DOCK8: variants seen among roughly 807,000 people sequenced by gnomAD.
DOCK8 encodes dedicator of cytokinesis 8.
Under a neutral mutation model 245.6 loss-of-function variants are expected in DOCK8, and 141 were observed. The ratio of observed to expected loss-of-function variants is 0.57; its 90% CI spans 0.50 to 0.66. DOCK8 has a LOEUF of 0.66. Ranked by LOEUF, DOCK8 falls within the 30% of genes least tolerant of loss-of-function variation. The probability of loss-of-function intolerance (pLI) is 0.00; values close to 1 mark genes in which losing one functional copy is unlikely to be tolerated. For synonymous variants in DOCK8, 1,168 were observed against 970.2 expected, an observed-to-expected ratio of 1.20 and a Z score of -3.79; for missense variants, 2,965 against 2,603.4, an observed-to-expected ratio of 1.14 and a Z score of -3.02.
chr9:304,542 C>G (rs758755989), intron 4 of DOCK8, 39 bp from the exon 5 acceptor site: 3 of 1,613,318 alleles, frequency 1.9e-6, no homozygotes, highest in Admixed American at 3.3e-5. Context: ...CGCTCTCTCT[C>G]CCTCTTTCTC....
intron 23 of DOCK8, among the ~76,000 whole-genome samples, chr9:388,964 G>A (rs761368210): frequency 6.6e-6 from 1 of 152,076 alleles, no homozygotes; most frequent in Non-Finnish European, 1.5e-5. Context: ...ATATTAGGGT[G>A]TTCAAATAGC....
chr9:456,426 A>G (rs1264999104), intron 46 of DOCK8: 2 of 152,256 alleles, frequency 1.3e-5, no homozygotes, highest in Non-Finnish European at 2.9e-5. Flanking sequence ...CCAGCTTCTC[A>G]GCAGACTTGG....
At chr9:457,590 G>A (rs1481324105) in intron 46 of DOCK8, among the ~76,000 whole-genome samples, 3 of 152,194 alleles carry the variant, frequency 2.0e-5, no homozygotes, top group Admixed American at 1.3e-4. Flanking sequence ...ACATTGGCCT[G>A]GGAGCAGCAG....
Position 336,643 on chromosome 9 carries a change from C to T in DOCK8, c.1347C>T (p.Ala449=). The change falls in exon 12 of 48, where the codon GCC becomes GCT. Residue 449 remains alanine, a synonymous_variant. Transcript: ENST00000432829. ...LAQSRRLSER[A]LSLEENGVGS... ...AATCTAGAAGGCTTTCTGAAAGAGC[C>T]CTCTCCTTGGAGGAAAATGGGGTTG... The T allele has an allele frequency of 6.2e-7, 1 of 1,614,092 alleles. No homozygotes were observed. The highest frequency in any genetic ancestry group is 1.1e-5 in the South Asian group (1 of 91,084).
chr9:428,105 G>C (rs1329911407), intron 34 of DOCK8, among the ~76,000 whole-genome samples: 1 of 152,200 alleles, frequency 6.6e-6, no homozygotes, highest in Non-Finnish European at 1.5e-5. Flanking sequence ...CAGGATGAGG[G>C]AGATGGGCCT....
upstream of DOCK8, among the ~76,000 whole-genome samples, chr9:211,454 C>T (rs900970433): frequency 6.6e-6 from 1 of 151,926 alleles, no homozygotes; most frequent in South Asian, 2.1e-4. Flanking sequence ...TTTTAGTAAA[C>T]TTCATCTAGT....
At chr9:331,293 G>A (rs1431126835) in intron 9 of DOCK8, among the ~76,000 whole-genome samples, 1 of 152,174 alleles carries the variant, frequency 6.6e-6, no homozygotes, top group African/African-American at 2.4e-5. Context: ...TCAGTGTGGT[G>A]CATCTCTCAG....
At chr9:279,829 C>T (rs4741751) in intron 2 of DOCK8, among the ~76,000 whole-genome samples, 1 of 152,110 alleles carries the variant, frequency 6.6e-6, no homozygotes, top group Non-Finnish European at 1.5e-5. Context: ...TCTTCCCCGT[C>T]CCCACCAGGA....
chr9:226,248 A>G (rs2046987307), intron 1 of DOCK8, among the ~76,000 whole-genome samples: 1 of 152,182 alleles, frequency 6.6e-6, no homozygotes, highest in South Asian at 2.1e-4. Context: ...TTATAAAACC[A>G]TCAGATCTCG....
intron 32 of DOCK8, among the ~76,000 whole-genome samples, chr9:421,398 G>A (rs190609068): frequency 6.6e-5 from 10 of 152,226 alleles, no homozygotes; most frequent in African/African-American, 2.2e-4. Context: ...CAAGGCTGAG[G>A]CCTTTCTATG....
At chr9:424,764 G>A (rs1320395697) in intron 33 of DOCK8, among the ~76,000 whole-genome samples, 1 of 152,200 alleles carries the variant, frequency 6.6e-6, no homozygotes, top group Admixed American at 6.5e-5. Context: ...TGCACAATAT[G>A]AATGTACTTA....
chr9:346,426 G>T (rs184065565), intron 14 of DOCK8, among the ~76,000 whole-genome samples: 1 of 152,086 alleles, frequency 6.6e-6, no homozygotes, highest in Non-Finnish European at 1.5e-5. Flanking sequence ...GGGTATGTGC[G>T]GAGATCACAG....
chr9:426,576 G>A (rs1016521388), intron 33 of DOCK8, among the ~76,000 whole-genome samples: 4 of 152,288 alleles, frequency 2.6e-5, no homozygotes, highest in Admixed American at 2.6e-4. Context: ...AATCTGAGAG[G>A]GGAGCTTAAT....
chr9:234,844 T>C (rs1268915158), intron 1 of DOCK8, among the ~76,000 whole-genome samples: 1 of 152,096 alleles, frequency 6.6e-6, no homozygotes, highest in African/African-American at 2.4e-5. Flanking sequence ...TGGTTTGAAT[T>C]TCCTCCTGTA....
intron 1 of DOCK8, among the ~76,000 whole-genome samples, chr9:265,252 A>G (rs1043005589): frequency 3.3e-5 from 5 of 152,160 alleles, no homozygotes; most frequent in African/African-American, 1.2e-4. Flanking sequence ...TTTTTAAAAA[A>G]ATACTACCCT....
chr9:310,223 C>T (rs56132164), intron 5 of DOCK8, among the ~76,000 whole-genome samples: 9 of 151,184 alleles, frequency 6.0e-5, no homozygotes, highest in East Asian at 2.0e-4. Flanking sequence ...GCTGAGATTG[C>T]GCCATTGCAC....
chr9:276,116 T>C (rs1022683170), intron 2 of DOCK8, among the ~76,000 whole-genome samples: 1 of 141,612 alleles, frequency 7.1e-6, no homozygotes, highest in Non-Finnish European at 1.6e-5. Context: ...GTCTTGAACT[T>C]CTGACCTCAG....
intron 1 of DOCK8, among the ~76,000 whole-genome samples, chr9:257,429 C>T (rs1398071802): frequency 6.6e-6 from 1 of 152,214 alleles, no homozygotes; most frequent in African/African-American, 2.4e-5. Flanking sequence ...TGGAATTTTT[C>T]TGCCAGCAAT....
Position 289,549 on chromosome 9 carries a change from C to T in DOCK8, c.372C>T (p.Thr124=), listed in dbSNP as rs1272521131. ...LDPHVRDCVQ[T]YIREWLIVNR... is the part of the protein sequence containing the mutation. ...CTCATGTCAGGGACTGTGTTCAGACCTACATCCGTGAGTGGCTAATCGTGA... is the reference window on the plus strand; with the variant it reads ...CTCATGTCAGGGACTGTGTTCAGACTTACATCCGTGAGTGGCTAATCGTGA... Residue 124 remains threonine, a synonymous_variant, in exon 4 of 48, where the codon ACC becomes ACT. Transcript: ENST00000432829. 6.8e-6 allele frequency: 11 copies of T among 1,612,822 alleles called. No homozygotes were observed. The highest frequency in any genetic ancestry group is 3.3e-5 in the Admixed American group (2 of 59,964).
Sources: allele counts gnomAD v4.1 joint callset (sites outside exome capture counted in the v4.1 genomes callset), GRCh38; gene constraint gnomAD v4.1.1; transcripts MANE v1.5; gene names NCBI Gene and HGNC (gene_info 2026-07-23, HGNC 2026-07-21).